STAG1: variants seen among roughly 807,000 people sequenced by gnomAD.
STAG1 encodes STAG1 cohesin complex component.
A neutral mutation model predicts 170.9 loss-of-function variants in STAG1; 26 were observed. The ratio of observed to expected loss-of-function variants is 0.15; its 90% CI spans 0.11 to 0.21. The LOEUF is 0.21. Ranked by LOEUF, STAG1 falls within the 10% of genes least tolerant of loss-of-function variation. The pLI is 1.00. For synonymous variants in STAG1, 514 were observed against 497.7 expected, an observed-to-expected ratio of 1.03 and a Z score of -0.44; for missense variants, 964 against 1,509.5, an observed-to-expected ratio of 0.64 and a Z score of 5.99.
At chr3:136,605,534 T>C (rs1372740851) in intron 3 of STAG1, among the ~76,000 whole-genome samples, 2 of 152,218 alleles carry the variant, frequency 1.3e-5, no homozygotes, top group African/African-American at 4.8e-5. Flanking sequence ...ACTTTTTTCC[T>C]TTCCTTTCAG....
chr3:136,678,499 C>T (rs1319105009), intron 1 of STAG1, among the ~76,000 whole-genome samples: 1 of 105,572 alleles, frequency 9.5e-6, no homozygotes, highest in Admixed American at 9.7e-5. Context: ...ATCCAACATA[C>T]AAAAATAAAC....
intron 4 of STAG1, among the ~76,000 whole-genome samples, chr3:136,599,521 ACT>A (rs1190447983): frequency 2.0e-5 from 3 of 151,916 alleles, no homozygotes; most frequent in African/African-American, 4.8e-5. Context: ...ACAGAGCGAG[ACT>A]CTGTCTCAAA....
At chr3:136,549,856 G>T (rs1339412866) in intron 5 of STAG1, among the ~76,000 whole-genome samples, 1 of 152,016 alleles carries the variant, frequency 6.6e-6, no homozygotes, top group East Asian at 1.9e-4. Context: ...TTCCTAGTTT[G>T]CTGAGTTTTT....
intron 26 of STAG1, among the ~76,000 whole-genome samples, chr3:136,362,412 CT>C (rs200673600): frequency 6.6e-5 from 10 of 150,444 alleles, no homozygotes; most frequent in East Asian, 1.9e-4. Context: ...CCATCTGTCA[CT>C]TTTTTTTTAA....
intron 4 of STAG1, among the ~76,000 whole-genome samples, chr3:136,590,790 T>C (rs1051518859): frequency 1.3e-5 from 2 of 152,232 alleles, no homozygotes; most frequent in Admixed American, 1.3e-4. Context: ...CACTATGGGT[T>C]ATAAAATCTG....
chr3:136,371,986 G>A (rs1937365148), intron 23 of STAG1, among the ~76,000 whole-genome samples: 1 of 152,172 alleles, frequency 6.6e-6, no homozygotes, highest in Admixed American at 6.6e-5. Flanking sequence ...TCCTACCCAT[G>A]AGCATGGAAT....
chr3:136,527,201 T>G (rs2107920065), intron 6 of STAG1, among the ~76,000 whole-genome samples: 1 of 152,338 alleles, frequency 6.6e-6, no homozygotes, highest in Non-Finnish European at 1.5e-5. Flanking sequence ...CCAACTTGTT[T>G]CCATTCTCCC....
chr3:136,655,134 C>T (rs1485888492), intron 1 of STAG1, among the ~76,000 whole-genome samples: 1 of 152,164 alleles, frequency 6.6e-6, no homozygotes, highest in African/African-American at 2.4e-5. Flanking sequence ...AACAGGCAAA[C>T]TGGACTTCAC....
intron 21 of STAG1, among the ~76,000 whole-genome samples, chr3:136,409,394 T>G (rs1167994593): frequency 6.6e-6 from 1 of 152,038 alleles, no homozygotes. Flanking sequence ...TGGAGTGCAG[T>G]GGCATGATTT....
intron 3 of STAG1, among the ~76,000 whole-genome samples, chr3:136,614,111 G>A (rs573648118): frequency 6.6e-6 from 1 of 152,322 alleles, no homozygotes; most frequent in East Asian, 1.9e-4. Flanking sequence ...AGTTACTCAG[G>A]AGGCTAAGGC....
chr3:136,470,482 A>T lies in STAG1; in HGVS notation c.1205+1931T>A, dbSNP rs568786043. Among the ~76,000 whole-genome samples, 4 of 152,296 alleles carry T rather than the reference A, an allele frequency of 2.6e-5. No individual in the cohort carries two copies. The South Asian group carries it at 8.3e-4, about 32-fold the overall frequency. The stretch of plus-strand genomic sequence containing the variant: ...AATGGCGATCATTAAAAAGTTAGGA[A>T]ACAACAGATGTTGGAGAGGATGGGG... On this transcript the variant is annotated intron_variant, in intron 12 of 33. Transcript: ENST00000383202.
At chr3:136,461,032 T>C (rs2089258372) in intron 13 of STAG1, among the ~76,000 whole-genome samples, 2 of 152,160 alleles carry the variant, frequency 1.3e-5, no homozygotes, top group South Asian at 4.1e-4. Flanking sequence ...AGTTTAACCA[T>C]ATGCATTATC....
intron 1 of STAG1, among the ~76,000 whole-genome samples, chr3:136,693,125 T>C (rs1256487569): frequency 1.3e-5 from 2 of 152,222 alleles, no homozygotes. Flanking sequence ...GTTTTAAGTC[T>C]TGTCCCAATA....
intron 9 of STAG1, among the ~76,000 whole-genome samples, chr3:136,499,544 ACACAT>A (rs1933353290): frequency 1.3e-5 from 2 of 152,162 alleles, no homozygotes; most frequent in African/African-American, 2.4e-5. Flanking sequence ...ATCTACTTAC[ACACAT>A]CACATCTAAT....
chr3:136,556,865 G>A (rs913921215), intron 5 of STAG1, among the ~76,000 whole-genome samples: 14 of 152,040 alleles, frequency 9.2e-5, no homozygotes, highest in African/African-American at 3.1e-4. Context: ...TTACAGGTAC[G>A]AGCCACTGTG....
At chr3:136,627,211 G>A (rs1343935216) in intron 2 of STAG1, among the ~76,000 whole-genome samples, 1 of 152,176 alleles carries the variant, frequency 6.6e-6, no homozygotes, top group African/African-American at 2.4e-5. Flanking sequence ...GTTAGTATGT[G>A]TATGTTTAAT....
At position 136,338,042 on chromosome 3, in the gene STAG1, GGTCA is replaced by G; in HGVS notation, c.*208_*211del. 1.8e-6 allele frequency: 1 copy of G among 540,652 alleles called. No homozygotes were observed. Among genetic ancestry groups the G allele is most frequent in the Non-Finnish European group, 3.3e-6 (1 of 302,198 alleles). 33.5% of individuals were successfully genotyped at this position (540,652 alleles called of 1,614,324 possible). On this transcript the variant is annotated 3_prime_UTR_variant, in exon 34 of 34. Transcript: ENST00000383202. ...AATAGTAGGACACAAATGATTTTCA[GGTCA>G]GTCTTTCTGAGTTGACATTCACCAA...
intron 1 of STAG1, among the ~76,000 whole-genome samples, chr3:136,718,647 A>AGGCGT (rs1933014316): frequency 6.6e-6 from 1 of 152,208 alleles, no homozygotes; most frequent in African/African-American, 2.4e-5. Context: ...AGAGGTGGCC[A>AGGCGT]GGCGTGGTGG....
At chr3:136,393,077 C>A (rs2087055780) in intron 22 of STAG1, among the ~76,000 whole-genome samples, 1 of 152,126 alleles carries the variant, frequency 6.6e-6, no homozygotes, top group Non-Finnish European at 1.5e-5. Flanking sequence ...CCCTCACTGT[C>A]TAAATGACCC....
Sources: gnomAD v4.1 joint callset for allele counts (sites outside exome capture counted in the v4.1 genomes callset) on GRCh38, gnomAD v4.1.1 for gene constraint, MANE v1.5 for transcripts, NCBI Gene and HGNC (gene_info 2026-07-23, HGNC 2026-07-21) for gene names.